Variants in SPTBN1 observed in about 807,000 individuals in gnomAD.
The protein encoded by SPTBN1 is spectrin beta chain, non-erythrocytic 1.
In SPTBN1, 32 loss-of-function variants were observed where a neutral mutation model predicts 266.4. The observed-to-expected ratio is 0.12, with a 90% CI of 0.09 to 0.16. The LOEUF (loss-of-function observed/expected upper bound fraction) is 0.16, where lower values mean the gene tolerates loss of function less well. SPTBN1 is among the 10% of genes least tolerant of loss of function. SPTBN1 has a pLI of 1.00. For missense variants in SPTBN1, 2,296 were observed against 3,067.1 expected, an observed-to-expected ratio of 0.75 and a Z score of 5.94; for synonymous variants, 1,336 against 1,162.2, an observed-to-expected ratio of 1.15 and a Z score of -3.04.
At chr2:54,536,956 C>A (rs1442236459) in intron 2 of SPTBN1, among the ~76,000 whole-genome samples, 1 of 152,148 alleles carries the variant, frequency 6.6e-6, no homozygotes, top group East Asian at 1.9e-4. Flanking sequence ...TTGCTTCAGC[C>A]CAGGAGGCTG....
intron 2 of SPTBN1, among the ~76,000 whole-genome samples, chr2:54,578,487 A>G (rs1320597560): frequency 6.6e-6 from 1 of 152,190 alleles, no homozygotes; most frequent in Non-Finnish European, 1.5e-5. Context: ...GCCAAGTATA[A>G]GTGAAGACTT....
Position 54,515,205 on chromosome 2 carries a change from T to C in SPTBN1, c.-47-11167T>C, listed in dbSNP as rs367866321. The stretch of plus-strand genomic sequence containing the variant: ...GGACAGCTTCAACTCTGTATTCATC[T>C]CCACCCCTACCAATCAGAACTGCCA... On this transcript the variant is annotated intron_variant, in intron 1 of 35. Coordinates refer to ENST00000356805, the MANE Select transcript of SPTBN1 (RefSeq NM_003128.3). Among the ~76,000 whole-genome samples the C allele has an allele frequency of 3.0e-4, 45 of 152,204 alleles. No homozygotes were observed. The South Asian group carries it at 8.5e-3, about 29-fold the overall frequency.
Position 54,643,123 on chromosome 2 carries a change from C to T in SPTBN1, c.3999C>T (p.Ile1333=), listed in dbSNP as rs753268652. ...CCAACAAAGAATGGCTTGACAAAAT[C>T]GAGAAGGTGAGTTAAAACATTTGAT... ...LASNKEWLDK[I]EKEGMQLISE... is the part of the protein sequence containing the mutation. The change falls in exon 19 of 36, where the codon ATC becomes ATT. Residue 1333 remains isoleucine (I), a synonymous_variant. Transcript: ENST00000356805. 162 of 1,613,874 alleles carry T rather than the reference C, an allele frequency of 1.0e-4. No individual in the cohort carries two copies. Among genetic ancestry groups the T allele is most frequent in the Non-Finnish European group, 1.3e-4 (157 of 1,179,946 alleles).
intron 3 of SPTBN1, among the ~76,000 whole-genome samples, chr2:54,603,919 G>T (rs919408736): frequency 5.3e-5 from 8 of 152,176 alleles, no homozygotes; most frequent in African/African-American, 1.4e-4. Flanking sequence ...CAAGAGATTG[G>T]CAGACACTGT....
intron 1 of SPTBN1, among the ~76,000 whole-genome samples, chr2:54,465,988 A>G (rs1693613673): frequency 1.3e-5 from 2 of 152,172 alleles, no homozygotes; most frequent in East Asian, 3.8e-4. Flanking sequence ...AGCTTTCAGG[A>G]TTAATTGTGC....
chr2:54,623,382 A>T lies in SPTBN1; in HGVS notation c.1065-97A>T. The T allele has an allele frequency of 2.8e-6, 3 of 1,056,294 alleles. No individual in the cohort carries two copies. The Admixed American group carries it at 5.6e-5, about 20-fold the overall frequency. 65.4% of individuals were successfully genotyped at this position (1,056,294 alleles called of 1,614,324 possible). ...CTGATGTCTCTTTGACATGCATTTC[A>T]TGTAAGTCAGACCAGAGTTAAATGG... On this transcript the variant is annotated intron_variant, in intron 9 of 35. Transcript: ENST00000356805.
intron 33 of SPTBN1, among the ~76,000 whole-genome samples, chr2:54,665,230 A>G (rs1681293373): frequency 6.6e-6 from 1 of 152,208 alleles, no homozygotes; most frequent in Non-Finnish European, 1.5e-5. Flanking sequence ...AGTAAACCCA[A>G]CCACCTGGGA....
chr2:54,591,465 G>C (rs1299835520), intron 2 of SPTBN1, among the ~76,000 whole-genome samples: 4 of 152,194 alleles, frequency 2.6e-5, no homozygotes, highest in African/African-American at 9.7e-5. Context: ...TAGCACAATT[G>C]AAGAGCCTGA....
chr2:54,456,541 G>T (rs1380305306), intron 1 of SPTBN1, 23 bp downstream of exon 1: 1 of 151,932 alleles, frequency 6.6e-6, no homozygotes, highest in Non-Finnish European at 1.5e-5. Context: ...CCCGAGGCAG[G>T]GAGATGCCAA....
intron 33 of SPTBN1, among the ~76,000 whole-genome samples, chr2:54,665,244 C>T (rs1308282781): frequency 1.3e-5 from 2 of 152,190 alleles, no homozygotes; most frequent in African/African-American, 4.8e-5. Flanking sequence ...CCTGGGACCA[C>T]CATATCTTAC....
intron 19 of SPTBN1, 106 bp from the exon 20 acceptor site, chr2:54,644,217 G>T: frequency 4.3e-6 from 6 of 1,408,330 alleles, no homozygotes; most frequent in Non-Finnish European, 5.8e-6. Flanking sequence ...TGTGTATTGA[G>T]TGAATGGTTA....
In SPTBN1 at chr2:54,456,370, CCCTGCGCAG is replaced by C. The variant is rs1384143576; in HGVS notation, c.-194_-186del. 1 of 152,504 alleles carries C rather than the reference CCCTGCGCAG, an allele frequency of 6.6e-6. No homozygotes were observed. Among genetic ancestry groups the C allele is most frequent in the African/African-American group, 2.4e-5 (1 of 41,444 alleles). The allele number at this position is 152,504 out of a possible 1,614,324, so 9.4% of individuals were successfully genotyped here. A position where few individuals can be genotyped will look rare whatever the true frequency, so the allele number is the denominator to read the frequency against. Reference sequence around the variant, plus strand: ...CTCTCCTCCCGGAGCGAGCGCGCAGCCCTGCGCAGCAGCGCCCACTGGTCCCGTCCTGTG... The same window carrying C: ...CTCTCCTCCCGGAGCGAGCGCGCAGCCAGCGCCCACTGGTCCCGTCCTGTG... On this transcript the variant is annotated 5_prime_UTR_variant, in exon 1 of 36. Transcript: ENST00000356805.
At chr2:54,501,020 G>A (rs138856727) in intron 1 of SPTBN1, among the ~76,000 whole-genome samples, 25 of 152,270 alleles carry the variant, frequency 1.6e-4, no homozygotes, top group African/African-American at 5.1e-4. Context: ...CCTCTGCTGG[G>A]ACTGACCCAA....
chr2:54,480,826 C>T (rs1342679171), intron 1 of SPTBN1, among the ~76,000 whole-genome samples: 1 of 152,170 alleles, frequency 6.6e-6, no homozygotes, highest in Non-Finnish European at 1.5e-5. Context: ...TGAACTTAAG[C>T]CAGCTCTTCT....
rs115990062 is a variant in SPTBN1 at position 54,636,573 on chromosome 2, T to C, written c.3768-1140T>C. The stretch of plus-strand genomic sequence containing the variant: ...CTTTCTTTCTCCTGGGGAAGTTTCT[T>C]CAGACACCGGTCAGCAGCACGTGTT... On this transcript the variant is annotated intron_variant, in intron 17 of 35. Transcript: ENST00000356805. Among the ~76,000 whole-genome samples, 661 of 152,322 alleles carry C rather than the reference T, an allele frequency of 4.3e-3. 4 individuals are homozygous for C. The highest frequency in any genetic ancestry group is 0.013 in the African/African-American group (524 of 41,574).
Position 54,649,015 on chromosome 2 carries a change from T to C in SPTBN1, c.5027T>C (p.Val1676Ala). Residue 1676 changes from valine (V) to alanine (A), a missense_variant, in exon 25 of 36, where the codon GTG becomes GCG. Physicochemically the swap from Val to Ala is moderately conservative, Grantham distance 64. Transcript: ENST00000356805. The surrounding 1 kb of genome is among the most constrained non-coding windows in gnomAD (Gnocchi z 6.7). ...CGCATTAGCATGCGGCAGTCCAAAGTGGATAAACTGTACGCTGGTCTGAAA... is the reference window on the plus strand; with the variant it reads ...CGCATTAGCATGCGGCAGTCCAAAGCGGATAAACTGTACGCTGGTCTGAAA... ...SERISMRQSK[V>A]DKLYAGLKDL... 4 of 1,613,534 alleles carry C rather than the reference T, an allele frequency of 2.5e-6. No homozygotes were observed. The highest frequency in any genetic ancestry group is 3.4e-6 in the Non-Finnish European group (4 of 1,179,620).
At chr2:54,660,426 C>G in intron 32 of SPTBN1, 2 of 1,083,480 alleles carry the variant, frequency 1.8e-6, no homozygotes, top group Non-Finnish European at 2.2e-6. Flanking sequence ...TTCAGTTATT[C>G]TAACAGGGCA....
chr2:54,585,156 T>C (rs975896742), intron 2 of SPTBN1, among the ~76,000 whole-genome samples: 4 of 152,232 alleles, frequency 2.6e-5, no homozygotes, highest in African/African-American at 9.6e-5. Flanking sequence ...TTTAGACAGA[T>C]GACCAGTTTT....
chr2:54,621,158 G>A (rs1354603998), intron 7 of SPTBN1, among the ~76,000 whole-genome samples: 1 of 152,192 alleles, frequency 6.6e-6, no homozygotes, highest in Non-Finnish European at 1.5e-5. Context: ...AGTAGGGCAA[G>A]GAGAGGAGGA....
Sources: gnomAD v4.1 joint callset for allele counts (sites outside exome capture counted in the v4.1 genomes callset) on GRCh38, gnomAD v4.1.1 for gene constraint, Gnocchi (gnomAD v3.1) non-coding constraint, MANE v1.5 for transcripts, NCBI Gene and HGNC (gene_info 2026-07-23, HGNC 2026-07-21) for gene names.